The following TH variants were observed in gnomAD, a reference collection of about 807,000 sequenced individuals.
TH encodes tyrosine 3-monooxygenase.
A neutral mutation model predicts 57.4 loss-of-function variants in TH; 49 were observed. That is an observed-to-expected ratio of 0.85 (90% CI 0.68 to 1.08). The LOEUF is 1.08. Ranked by LOEUF, TH falls within the 50% of genes least tolerant of loss-of-function variation. The pLI, the probability that TH is intolerant of heterozygous loss-of-function variation, is 0.00. For synonymous variants in TH, 330 were observed against 304.5 expected, an observed-to-expected ratio of 1.08 and a Z score of -0.87; for missense variants, 720 against 696.7, an observed-to-expected ratio of 1.03 and a Z score of -0.38.
chr11:2,166,956 G>A lies in TH; in HGVS notation c.772C>T (p.Leu258=). Residue 258 remains leucine, a synonymous_variant, in exon 7 of 13, where the codon CTG becomes TTG. Transcript: ENST00000352909. The part of the protein sequence containing the change: ...CGEHLEAFAL[L]ERFSGYREDN... ...TCCCGGTAGCCGCTGAAGCGCTCCA[G>A]CAAAGCAAAGGCCTCCAGGTGCTCC... 6.3e-7 allele frequency: 1 copy of A among 1,595,786 alleles called. No individual in the cohort carries two copies. The highest frequency in any genetic ancestry group is 8.5e-7 in the Non-Finnish European group (1 of 1,172,066).
intron 2 of TH, among the ~76,000 whole-genome samples, chr11:2,169,363 C>T (rs113849093): frequency 5.9e-5 from 9 of 152,112 alleles, no homozygotes; most frequent in East Asian, 1.9e-4. Flanking sequence ...GAGCCCCCCA[C>T]GTGGGAAATG....
At position 2,170,265 on chromosome 11, in the gene TH, C is replaced by T. The variant is rs1053242537; in HGVS notation, c.91-394G>A. 1.5e-4 allele frequency among the ~76,000 whole-genome samples: 23 copies of T among 152,124 alleles called. No homozygotes were observed. The highest frequency in any genetic ancestry group is 9.2e-4 in the Admixed American group (14 of 15,284). ...GTGGCATCGGCTGCCGGGGAGGGAACGGCAGCTCAGGAAGGAGCTGCCCCC... is the reference window on the plus strand; with the variant it reads ...GTGGCATCGGCTGCCGGGGAGGGAATGGCAGCTCAGGAAGGAGCTGCCCCC... On this transcript the variant is annotated intron_variant, in intron 1 of 12. Coordinates refer to ENST00000352909, the MANE Select transcript of TH (RefSeq NM_000360.4). This position sits in a 1 kb window ranked among gnomAD's most constrained non-coding sequence, Gnocchi z 6.0.
chr11:2,166,378 A>T, intron 9 of TH, 102 bp downstream of exon 9: 1 of 1,411,856 alleles, frequency 7.1e-7, no homozygotes, highest in South Asian at 1.3e-5. Context: ...GGGGCCCGGG[A>T]GCAGGCAGCA....
In TH at chr11:2,166,537, G is replaced by T; in HGVS notation, c.990C>A (p.His330Gln). The T allele has an allele frequency of 6.2e-7, 1 of 1,602,454 alleles. No individual in the cohort carries two copies. Among genetic ancestry groups the T allele is most frequent in the Non-Finnish European group, 8.5e-7 (1 of 1,177,062 alleles). Residue 330 changes from histidine to glutamine, a missense_variant, in exon 9 of 13, where the codon CAC (histidine) becomes CAA (glutamine). Coordinates refer to ENST00000352909, the MANE Select transcript of TH (RefSeq NM_000360.4). The stretch of plus-strand genomic sequence containing the variant: ...GCATGGGCACGTGCCCCAGCAGCTC[G>T]TGGCAGCAGTCCCTGCGCGTAGGAG... ...PMHSPEPDCC[H>Q]ELLGHVPMLA...
At chr11:2,166,100 G>C in intron 9 of TH, 42 bp from the exon 10 acceptor site, 1 of 1,547,816 alleles carries the variant, frequency 6.5e-7, no homozygotes, top group African/African-American at 1.4e-5. Flanking sequence ...AGGCAGCCCT[G>C]GGTCATGCTC....
In TH at chr11:2,169,733, CCTT is replaced by C; in HGVS notation, c.226_228del (p.Lys76del). The stretch of plus-strand genomic sequence containing the variant: ...AGCAGGTTTAGCACGGCCTTCCCCT[CCTT>C]CTCCTCAAAGGCCACAGCCTCCAGG... On this transcript the variant is annotated inframe_deletion, in exon 2 of 13. Transcript: ENST00000352909. 6.2e-7 allele frequency: 1 copy of C among 1,612,934 alleles called. No homozygotes were observed. The highest frequency in any genetic ancestry group is 8.5e-7 in the Non-Finnish European group (1 of 1,179,862).
rs550147653 is a variant in TH, at chr11:2,166,919, G to C, written c.809C>G (p.Pro270Arg). The C allele has an allele frequency of 6.2e-7, 1 of 1,604,056 alleles. No homozygotes were observed. The highest frequency in any genetic ancestry group is 1.7e-5 in the Admixed American group (1 of 58,864). ...GAAGCGGGAGACGTCCTCCAGCTGG[G>C]GGATATTGTCTTCCCGGTAGCCGCT... ...RFSGYREDNI[P>R]QLEDVSRFLK... The change falls in exon 7 of 13, where the codon CCC (proline) becomes CGC (arginine). Residue 270 changes from proline to arginine, a missense_variant. By Grantham distance (103) the Pro-to-Arg change is moderately radical. Transcript: ENST00000352909.
At chr11:2,167,656 G>A in intron 5 of TH, 171 bp from the exon 6 acceptor site, 2 of 1,070,536 alleles carry the variant, frequency 1.9e-6, no homozygotes, top group Admixed American at 2.1e-5. Context: ...AGCCGGCTAT[G>A]TGGCCTCGGC....
At chr11:2,166,216 GCCT>G in intron 9 of TH, 158 bp from the exon 10 acceptor site, 1 of 914,140 alleles carries the variant, frequency 1.1e-6, no homozygotes, top group Non-Finnish European at 1.7e-6. Flanking sequence ...CCTCCACCGG[GCCT>G]CCTCCTCCAG....
chr11:2,170,722 C>A lies in TH; in HGVS notation c.91-851G>T. The A allele has an allele frequency of 6.2e-7, 1 of 1,604,194 alleles. No individual in the cohort carries two copies. Among genetic ancestry groups the A allele is most frequent in the Non-Finnish European group, 8.5e-7 (1 of 1,177,546 alleles). On this transcript the variant is annotated intron_variant, in intron 1 of 12. Transcript: ENST00000352909. The surrounding 1 kb of genome is among the most constrained non-coding windows in gnomAD (Gnocchi z 6.0). ...GTGGGGGTGTAGGATGCAGCTGGGG[C>A]TGCAGTTCCAGGCCACGGAGAGCCT...
intron 10 of TH, 116 bp from the exon 11 acceptor site, chr11:2,165,879 C>T (rs931705080): frequency 1.5e-5 from 22 of 1,504,880 alleles, no homozygotes; most frequent in African/African-American, 1.1e-4. Flanking sequence ...TGCAGGCAGG[C>T]CAGGGTGAGG....
At chr11:2,167,160 C>T (rs1846122153) in intron 6 of TH, 128 bp from the exon 7 acceptor site, 2 of 1,356,296 alleles carry the variant, frequency 1.5e-6, no homozygotes, top group East Asian at 2.5e-5. Context: ...CCCCTGAAGA[C>T]CCAGGCCCCC....
chr11:2,167,553 C>T (rs1218745734), intron 5 of TH, 68 bp from the exon 6 acceptor site: 36 of 1,510,268 alleles, frequency 2.4e-5, no homozygotes, highest in Non-Finnish European at 3.2e-5. Context: ...AGGGAGGGAG[C>T]TTCACTGGGC....
chr11:2,167,359 GCGGCCCTCA>G, intron 6 of TH, 67 bp downstream of exon 6: 1 of 1,482,132 alleles, frequency 6.7e-7, no homozygotes, highest in Non-Finnish European at 9.2e-7. Flanking sequence ...GTCCCTGGAG[GCGGCCCTCA>G]CACGCCAGGA....
chr11:2,168,327 A>G, intron 3 of TH, 148 bp from the exon 4 acceptor site: 1 of 1,352,262 alleles, frequency 7.4e-7, no homozygotes, highest in Non-Finnish European at 1.0e-6. Context: ...GAGTGGCCCC[A>G]GGCCCGGACA....
chr11:2,171,678 C>A lies in TH; in HGVS notation c.90+19G>T. ...GCTCCGGTCCACTGCGGCCGCCGGG[C>A]ACCTACCTGCCCTCTTACCATGATG... On this transcript the variant is annotated intron_variant, in intron 1 of 12. Coordinates refer to ENST00000352909, the MANE Select transcript of TH (RefSeq NM_000360.4). This position sits in a 1 kb window ranked among gnomAD's most constrained non-coding sequence, Gnocchi z 8.6. The A allele has an allele frequency of 6.2e-7, 1 of 1,610,054 alleles. No homozygotes were observed. The highest frequency in any genetic ancestry group is 1.1e-5 in the South Asian group (1 of 91,026).
In TH at chr11:2,170,459, C is replaced by A. The variant is rs938891755; in HGVS notation, c.91-588G>T. 6.6e-6 allele frequency among the ~76,000 whole-genome samples: 1 copy of A among 152,166 alleles called. No individual in the cohort carries two copies. Among genetic ancestry groups the A allele is most frequent in the Admixed American group, 6.5e-5 (1 of 15,288 alleles). On this transcript the variant is annotated intron_variant, in intron 1 of 12. Transcript: ENST00000352909. This position sits in a 1 kb window ranked among gnomAD's most constrained non-coding sequence, Gnocchi z 6.0. The stretch of plus-strand genomic sequence containing the variant: ...CTCCACCCTTTGTCATAGCTCTGGG[C>A]GCAGGTGTCTCTCCCTGGGCTCAGC...
At chr11:2,169,529 C>T in intron 2 of TH, 121 bp downstream of exon 2, 1 of 948,446 alleles carries the variant, frequency 1.1e-6, no homozygotes, top group Non-Finnish European at 1.7e-6. Flanking sequence ...CCTGCTGCAT[C>T]CTGTGCCGGC....
In TH at chr11:2,164,156, C is replaced by A. The variant is rs1024615853; in HGVS notation, c.*77G>T. The stretch of plus-strand genomic sequence containing the variant: ...GGCATGGGGGGCACCCGGGACCCAG[C>A]CCCTCACCAGGGCCTGAGCTCCGGG... On this transcript the variant is annotated 3_prime_UTR_variant, in exon 13 of 13. Transcript: ENST00000352909. The A allele has an allele frequency of 5.2e-5, 66 of 1,266,516 alleles. No homozygotes were observed. Among genetic ancestry groups the A allele is most frequent in the Middle Eastern group, 2.9e-4 (1 of 3,432 alleles). 78.5% of individuals were successfully genotyped at this position (1,266,516 alleles called of 1,614,324 possible).
Sources: allele counts gnomAD v4.1 joint callset (sites outside exome capture counted in the v4.1 genomes callset), GRCh38; gene constraint gnomAD v4.1.1; non-coding constraint Gnocchi (gnomAD v3.1); transcripts MANE v1.5; gene names NCBI Gene and HGNC (gene_info 2026-07-23, HGNC 2026-07-21).